Variants in CCDC191 observed in about 807,000 individuals in gnomAD.
The protein encoded by CCDC191 is coiled-coil domain containing 191, also known as coiled-coil domain-containing protein 191.
Under a neutral mutation model 114.0 loss-of-function variants are expected in CCDC191, and 99 were observed. The observed-to-expected ratio is 0.87, with a 90% CI of 0.74 to 1.03. The LOEUF (loss-of-function observed/expected upper bound fraction) is 1.03, where lower values mean the gene tolerates loss of function less well. Ranked by LOEUF, CCDC191 falls within the 50% of genes least tolerant of loss-of-function variation. CCDC191 has a pLI of 0.00. For missense variants in CCDC191, 973 were observed against 1,087.0 expected, an observed-to-expected ratio of 0.90 and a Z score of 1.47; for synonymous variants, 351 against 376.0, an observed-to-expected ratio of 0.93 and a Z score of 0.77.
intron 14 of CCDC191, among the ~76,000 whole-genome samples, chr3:113,979,359 A>G (rs2075057503): frequency 6.6e-6 from 1 of 152,094 alleles, no homozygotes; most frequent in South Asian, 2.1e-4. Context: ...TTGGACAGCA[A>G]CTCCACAACA....
intron 10 of CCDC191, 105 bp from the exon 11 acceptor site, chr3:114,004,851 A>T (rs1275749378): frequency 8.5e-7 from 1 of 1,183,162 alleles, no homozygotes; most frequent in African/African-American, 1.5e-5. Flanking sequence ...ATGAATCCCT[A>T]CTCTCTGAGA....
In CCDC191 at chr3:113,971,467, T is replaced by G. The variant is rs139685549; in HGVS notation, c.2607-6108A>C. On this transcript the variant is annotated intron_variant, in intron 16 of 16. Transcript: ENST00000295878. Reference sequence around the variant, plus strand: ...GCTTTTGTTCTTGGTTCTGTTAATGTGATGTATCATGTTTATTGATTTGCA... The same window carrying G: ...GCTTTTGTTCTTGGTTCTGTTAATGGGATGTATCATGTTTATTGATTTGCA... 3.6e-4 allele frequency among the ~76,000 whole-genome samples: 55 copies of G among 152,342 alleles called. 1 individual carries two copies. The East Asian group carries it at 0.01, about 28-fold the overall frequency.
intron 16 of CCDC191, among the ~76,000 whole-genome samples, chr3:113,975,521 T>G (rs1202730633): frequency 6.6e-6 from 1 of 152,216 alleles, no homozygotes; most frequent in Admixed American, 6.5e-5. Flanking sequence ...GTGTTACCTA[T>G]GTACTGAGCG....
At chr3:113,967,381 CTTTCTTTCCCTACAT>C (rs1176637968) in intron 16 of CCDC191, among the ~76,000 whole-genome samples, 1 of 115,344 alleles carries the variant, frequency 8.7e-6, no homozygotes, top group Non-Finnish European at 2.0e-5. Flanking sequence ...CTACATTTCT[CTTTCTTTCCCTACAT>C]TTCTCTTTCT....
chr3:114,054,469 A>G (rs927672061), intron 1 of CCDC191, among the ~76,000 whole-genome samples: 3 of 148,690 alleles, frequency 2.0e-5, no homozygotes, highest in South Asian at 4.3e-4. Flanking sequence ...CGTCTCTACT[A>G]AAAAAAAAAT....
chr3:114,018,877 GA>G lies in CCDC191; in HGVS notation c.973-10del. 6.2e-7 allele frequency: 1 copy of G among 1,612,060 alleles called. No homozygotes were observed. The highest frequency in any genetic ancestry group is 1.3e-5 in the African/African-American group (1 of 74,908). ...AAATACCGTTTTTGACACTGCAGCG[GA>G]AATATTAGGAAAATCACCACCCATC... On this transcript the variant is annotated splice_polypyrimidine_tract_variant and intron_variant, in intron 7 of 16. Transcript: ENST00000295878.
chr3:113,990,803 A>T (rs774371739), intron 13 of CCDC191, among the ~76,000 whole-genome samples: 2 of 151,166 alleles, frequency 1.3e-5, no homozygotes, highest in Non-Finnish European at 3.0e-5. Context: ...AACATAATAT[A>T]AAAAAAAGGA....
chr3:114,049,756 G>A (rs1034443271), intron 2 of CCDC191, among the ~76,000 whole-genome samples: 3 of 152,106 alleles, frequency 2.0e-5, no homozygotes, highest in Non-Finnish European at 4.4e-5. Context: ...ATGATACTAA[G>A]GACTATACAT....
In CCDC191 at chr3:114,047,076, T is replaced by G. The variant is rs1362338671; in HGVS notation, c.130-344A>C. ...ACTTTAAATAAAAAATATTATATTT[T>G]ATTAGTTTTCATGCCCTTAGGACTT... On this transcript the variant is annotated intron_variant, in intron 2 of 16. Transcript: ENST00000295878. 4 of 966,014 alleles carry G rather than the reference T, an allele frequency of 4.1e-6. No homozygotes were observed. In the East Asian group the frequency reaches 4.7e-4, roughly 113 times the overall value. The allele number at this position is 966,014 out of a possible 1,614,324, so 59.8% of individuals were successfully genotyped here. A position where few individuals can be genotyped will look rare whatever the true frequency, so the allele number is the denominator to read the frequency against.
chr3:114,055,241 T>C (rs890613369), intron 1 of CCDC191, among the ~76,000 whole-genome samples: 4 of 152,192 alleles, frequency 2.6e-5, no homozygotes, highest in Non-Finnish European at 5.9e-5. Context: ...TACCTTTTTT[T>C]CTCTAGGCAG....
intron 13 of CCDC191, among the ~76,000 whole-genome samples, chr3:113,993,953 C>G (rs1280180706): frequency 3.3e-5 from 5 of 151,938 alleles, no homozygotes; most frequent in African/African-American, 4.8e-5. Context: ...AAATGTAAAA[C>G]TTTGTGAAGG....
chr3:114,037,019 C>T (rs1304582274), intron 4 of CCDC191: 6 of 241,052 alleles, frequency 2.5e-5, no homozygotes, highest in Non-Finnish European at 3.9e-5. Context: ...ACTAAAGAGT[C>T]CTTCACTGCC....
chr3:114,021,587 C>T (rs373485123), intron 7 of CCDC191, among the ~76,000 whole-genome samples: 60 of 152,152 alleles, frequency 3.9e-4, no homozygotes, highest in Non-Finnish European at 6.8e-4. Flanking sequence ...TACTCAGTTC[C>T]GTCTTCTCTG....
intron 8 of CCDC191, among the ~76,000 whole-genome samples, chr3:114,017,222 G>A (rs2076174283): frequency 6.6e-6 from 1 of 151,536 alleles, no homozygotes; most frequent in South Asian, 2.1e-4. Flanking sequence ...CAATCCAGAT[G>A]GCTATGCTTC....
intron 16 of CCDC191, among the ~76,000 whole-genome samples, chr3:113,966,133 G>C (rs1940137872): frequency 6.6e-6 from 1 of 152,164 alleles, no homozygotes; most frequent in Admixed American, 6.5e-5. Context: ...TACAGGCATT[G>C]AGGCCTCAGT....
Position 114,005,908 on chromosome 3 carries a change from T to C in CCDC191, c.1468A>G (p.Met490Val). 1 of 1,614,052 alleles carries C rather than the reference T, an allele frequency of 6.2e-7. No individual in the cohort carries two copies. Among genetic ancestry groups the C allele is most frequent in the Middle Eastern group, 1.6e-4 (1 of 6,062 alleles). The change falls in exon 10 of 17, where the codon ATG becomes GTG. Residue 490 changes from methionine to valine, a missense_variant. Coordinates refer to ENST00000295878, the MANE Select transcript of CCDC191 (RefSeq NM_020817.2). ...EKPPLGSSGC[M>V]LSPPLGRTTT... The stretch of plus-strand genomic sequence containing the variant: ...GTTCTTCCCAGGGGAGGACTGAGCA[T>C]ACAACCACTGCTTCCCAAGGGAGGC...
At chr3:114,001,278 A>G (rs2107656473) in intron 13 of CCDC191, among the ~76,000 whole-genome samples, 1 of 152,322 alleles carries the variant, frequency 6.6e-6, no homozygotes, top group South Asian at 2.1e-4. Flanking sequence ...AACAGCCATA[A>G]AACAAATGCA....
rs1313534466 is a variant in CCDC191, at chr3:113,965,283, TTTC to T, written c.2680_2682del (p.Glu894del). On this transcript the variant is annotated inframe_deletion, in exon 17 of 17. Transcript: ENST00000295878. ...ACCTTCCTACGAAGTTGCTGTCGCC[TTTC>T]TTCTTTTACTCTTTCCTCTTTCATA... 1 of 1,613,012 alleles carries T rather than the reference TTTC, an allele frequency of 6.2e-7. No individual in the cohort carries two copies. The highest frequency in any genetic ancestry group is 1.1e-5 in the South Asian group (1 of 90,866).
chr3:114,014,478 A>C (rs559620715), intron 8 of CCDC191, among the ~76,000 whole-genome samples: 91 of 152,268 alleles, frequency 6.0e-4, no homozygotes, highest in Non-Finnish European at 1.0e-3. Flanking sequence ...GAACACTGAA[A>C]TCCAGAGTAC....
Sources: gnomAD v4.1 joint callset for allele counts (sites outside exome capture counted in the v4.1 genomes callset) on GRCh38, gnomAD v4.1.1 for gene constraint, MANE v1.5 for transcripts, NCBI Gene and HGNC (gene_info 2026-07-23, HGNC 2026-07-21) for gene names.